Variants in FAM114A2 observed in about 807,000 individuals in gnomAD.
FAM114A2 encodes the protein family with sequence similarity 114 member A2, also known as protein FAM114A2.
A neutral mutation model predicts 58.4 loss-of-function variants in FAM114A2; 53 were observed. The ratio of observed to expected loss-of-function variants is 0.91; its 90% CI spans 0.73 to 1.14. The LOEUF is 1.14. Among genes scored for constraint, FAM114A2 ranks in the 50% most tolerant of loss-of-function variants. The probability of loss-of-function intolerance (pLI) is 0.00; values close to 1 mark genes in which losing one functional copy is unlikely to be tolerated. For synonymous variants in FAM114A2, 228 were observed against 211.4 expected (o/e 1.08, Z -0.68); for missense variants, 601 against 581.1 (o/e 1.03, Z -0.35).
Position 153,992,660 on chromosome 5 carries a change from T to G in FAM114A2, c.*316A>C. On this transcript the variant is annotated 3_prime_UTR_variant, in exon 14 of 14. Transcript: ENST00000351797. ...ATATCCATGACAAAATTGATAACAT[T>G]TTGCAACATGTCAAAGAAAGACCAA... 1 of 190,482 alleles carries G rather than the reference T, an allele frequency of 5.2e-6. No individual in the cohort carries two copies. Among genetic ancestry groups the G allele is most frequent in the Non-Finnish European group, 1.1e-5 (1 of 93,648 alleles). The allele number at this position is 190,482 out of a possible 1,614,324, so 11.8% of individuals were successfully genotyped here. A position where few individuals can be genotyped will look rare whatever the true frequency, so the allele number is the denominator to read the frequency against.
chr5:153,990,886 C>T lies in FAM114A2; in HGVS notation c.*2090G>A, dbSNP rs1405777931. ...GAAGCACATACTATCCAAAAACCAT[C>T]ACCATAATCCAGCAAGTTCCAAAGT... On this transcript the variant is annotated 3_prime_UTR_variant, in exon 14 of 14. Coordinates refer to ENST00000351797, the MANE Select transcript of FAM114A2 (RefSeq NM_018691.4). 1 of 152,176 alleles carries T rather than the reference C, an allele frequency of 6.6e-6. No homozygotes were observed. Among genetic ancestry groups the T allele is most frequent in the African/African-American group, 2.4e-5 (1 of 41,438 alleles). The allele number at this position is 152,176 out of a possible 1,614,324, so 9.4% of individuals were successfully genotyped here.
At chr5:154,032,230 T>A (rs750564218) in intron 4 of FAM114A2, among the ~76,000 whole-genome samples, 5 of 152,228 alleles carry the variant, frequency 3.3e-5, no homozygotes, top group African/African-American at 4.8e-5. Context: ...AAAAAAAGTA[T>A]GGAAGGTAGA....
intron 7 of FAM114A2, 76 bp downstream of exon 7, chr5:154,027,100 T>C: frequency 1.6e-6 from 2 of 1,226,988 alleles, no homozygotes; most frequent in Non-Finnish European, 2.3e-6. Flanking sequence ...CTTCCAAATG[T>C]ACAAAGAGAA....
chr5:154,002,606 A>G (rs571269502), intron 10 of FAM114A2, among the ~76,000 whole-genome samples: 1 of 152,296 alleles, frequency 6.6e-6, no homozygotes, highest in South Asian at 2.1e-4. Context: ...AATGATTTAG[A>G]TAACAAGTGT....
At chr5:154,005,748 T>C (rs1217912758) in intron 9 of FAM114A2, among the ~76,000 whole-genome samples, 1 of 152,240 alleles carries the variant, frequency 6.6e-6, no homozygotes, top group East Asian at 1.9e-4. Context: ...GAAAGAGTCC[T>C]GGTTTCTCAG....
At chr5:154,018,354 A>C (rs1013085623) in intron 8 of FAM114A2, among the ~76,000 whole-genome samples, 25 of 152,294 alleles carry the variant, frequency 1.6e-4, no homozygotes, top group African/African-American at 5.3e-4. Context: ...TCCTAGCTTA[A>C]ATCAGGAAGA....
At chr5:153,993,157 A>C (rs1769341859) in intron 13 of FAM114A2, 47 bp from the exon 14 acceptor site, 1 of 1,525,366 alleles carries the variant, frequency 6.6e-7, no homozygotes, top group African/African-American at 1.4e-5. Flanking sequence ...AGTTATTTAA[A>C]AGAGAAGATA....
intron 13 of FAM114A2, 126 bp from the exon 14 acceptor site, chr5:153,993,236 A>G: frequency 1.4e-6 from 1 of 727,188 alleles, no homozygotes; most frequent in Non-Finnish European, 2.1e-6. Flanking sequence ...GGCAAGTAAG[A>G]GCAGTGACTT....
At chr5:154,015,843 C>T (rs1204323956) in intron 8 of FAM114A2, among the ~76,000 whole-genome samples, 1 of 151,886 alleles carries the variant, frequency 6.6e-6, no homozygotes, top group African/African-American at 2.4e-5. Flanking sequence ...CACAGAAAGG[C>T]AAAGCCCAAT....
At chr5:154,020,381 A>C (rs750175367) in intron 8 of FAM114A2, among the ~76,000 whole-genome samples, 1 of 152,218 alleles carries the variant, frequency 6.6e-6, no homozygotes, top group African/African-American at 2.4e-5. Flanking sequence ...TGCAAAGATC[A>C]ACAAAATTGA....
chr5:154,000,933 T>C (rs534627191), intron 11 of FAM114A2, among the ~76,000 whole-genome samples: 1 of 152,350 alleles, frequency 6.6e-6, no homozygotes, highest in East Asian at 1.9e-4. Flanking sequence ...TACTGGGTGC[T>C]AATTTTATGC....
At chr5:153,995,249 A>T in intron 12 of FAM114A2, 1 of 285,144 alleles carries the variant, frequency 3.5e-6, no homozygotes, top group Non-Finnish European at 6.6e-6. Flanking sequence ...ACAAAACCTT[A>T]GAACCATTTT....
Position 154,034,351 on chromosome 5 carries a change from C to T in FAM114A2, c.237G>A (p.Gln79=), listed in dbSNP as rs758367424. 3 of 1,593,520 alleles carry T rather than the reference C, an allele frequency of 1.9e-6. No homozygotes were observed. In the East Asian group the frequency reaches 6.8e-5, roughly 36 times the overall value. ...IQDNVSKDVP[Q]TRWGYWGSWG... is the part of the protein sequence containing the mutation. Reference sequence around the variant, plus strand: ...AGCTCCCCCAATAACCCCATCTGGTCTGGGGTACATCTTTGGAAACATTAT... The same window carrying T: ...AGCTCCCCCAATAACCCCATCTGGTTTGGGGTACATCTTTGGAAACATTAT... The change falls in exon 3 of 14, where the codon CAG becomes CAA. Residue 79 remains glutamine (Q), a synonymous_variant. Coordinates refer to ENST00000351797, the MANE Select transcript of FAM114A2 (RefSeq NM_018691.4).
At chr5:154,021,573 A>G (rs1581811876) in intron 8 of FAM114A2, among the ~76,000 whole-genome samples, 1 of 152,222 alleles carries the variant, frequency 6.6e-6, no homozygotes, top group Non-Finnish European at 1.5e-5. Flanking sequence ...TAAAATACGT[A>G]AGAATCCAAC....
intron 11 of FAM114A2, among the ~76,000 whole-genome samples, chr5:153,999,120 C>T (rs1054527691): frequency 6.6e-6 from 1 of 151,992 alleles, no homozygotes; most frequent in Non-Finnish European, 1.5e-5. Flanking sequence ...TGACAGGAGA[C>T]TAATATCCAG....
chr5:154,009,721 G>T (rs912903863), intron 9 of FAM114A2, among the ~76,000 whole-genome samples: 1 of 152,140 alleles, frequency 6.6e-6, no homozygotes, highest in Non-Finnish European at 1.5e-5. Flanking sequence ...TTTTGGCCAG[G>T]AATGTATAAA....
intron 8 of FAM114A2, among the ~76,000 whole-genome samples, chr5:154,022,462 A>G (rs1032784870): frequency 2.0e-5 from 3 of 152,230 alleles, no homozygotes; most frequent in Non-Finnish European, 2.9e-5. Context: ...AACCCCATCA[A>G]AAAGTGGGCA....
At position 153,997,794 on chromosome 5, in the gene FAM114A2, G is replaced by A. The variant is rs755956837; in HGVS notation, c.1329+9C>T. 3.7e-5 allele frequency: 56 copies of A among 1,517,294 alleles called. No individual in the cohort carries two copies. The highest frequency in any genetic ancestry group is 5.0e-5 in the Non-Finnish European group (55 of 1,093,300). 94.0% of individuals were successfully genotyped at this position (1,517,294 alleles called of 1,614,324 possible). A position where few individuals can be genotyped will look rare whatever the true frequency, so the allele number is the denominator to read the frequency against. ...AAACATTATTGCAGTAAGAGGCATG[G>A]ATTCTTACCCCAGCAGTTGTTAGGC... On this transcript the variant is annotated intron_variant, in intron 12 of 13. Transcript: ENST00000351797.
Position 154,026,402 on chromosome 5 carries a change from T to C in FAM114A2, c.910A>G (p.Lys304Glu). 6.4e-7 allele frequency: 1 copy of C among 1,562,954 alleles called. No individual in the cohort carries two copies. Among genetic ancestry groups the C allele is most frequent in the Non-Finnish European group, 8.6e-7 (1 of 1,158,702 alleles). The change falls in exon 8 of 14, where the codon AAA (lysine) becomes GAA (glutamate). Residue 304 changes from lysine (K) to glutamate (E), a missense_variant. Lys to Glu is a moderately conservative substitution (Grantham distance 56). Coordinates refer to ENST00000351797, the MANE Select transcript of FAM114A2 (RefSeq NM_018691.4). ...AGATACTAAATTTTCATATTACCTTTTTTCTCTTCTTCCTCTTCTTCACAA... is the reference window on the plus strand; with the variant it reads ...AGATACTAAATTTTCATATTACCTTCTTTCTCTTCTTCCTCTTCTTCACAA... ...EFCEEEEEEK[K>E]GDEDFTKDIT...
Sources: gnomAD v4.1 joint callset for allele counts (sites outside exome capture counted in the v4.1 genomes callset) on GRCh38, gnomAD v4.1.1 for gene constraint, MANE v1.5 for transcripts, NCBI Gene and HGNC (gene_info 2026-07-23, HGNC 2026-07-21) for gene names.